Variants in PLEKHG1 observed in about 807,000 individuals in gnomAD.
The protein encoded by PLEKHG1 is pleckstrin homology and RhoGEF domain containing G1, also known as pleckstrin homology domain-containing family G member 1.
Under a neutral mutation model 100.8 loss-of-function variants are expected in PLEKHG1, and 44 were observed. The observed-to-expected ratio is 0.44, with a 90% confidence interval of 0.34 to 0.56. The LOEUF (loss-of-function observed/expected upper bound fraction) is 0.56, where lower values mean the gene tolerates loss of function less well. PLEKHG1 is among the 20% of genes least tolerant of loss of function. The pLI is 0.01. For synonymous variants in PLEKHG1, 640 were observed against 662.5 expected, an observed-to-expected ratio of 0.97 and a Z score of 0.52; for missense variants, 1,545 against 1,720.9, an observed-to-expected ratio of 0.90 and a Z score of 1.81.
At chr6:150,688,546 T>G (rs4869929) in intron 3 of PLEKHG1, among the ~76,000 whole-genome samples, 44,891 of 151,952 alleles carry the variant, frequency 0.3, 8,220 homozygotes, top group African/African-American at 0.52. Context: ...AGTCTTGAAC[T>G]CCTGACCTCA....
intron 2 of PLEKHG1, among the ~76,000 whole-genome samples, chr6:150,647,438 T>A (rs566915176): frequency 1.3e-5 from 2 of 152,276 alleles, no homozygotes; most frequent in East Asian, 3.9e-4. Context: ...GATAGGTTGG[T>A]CTCCTTTTTA....
intron 1 of PLEKHG1, among the ~76,000 whole-genome samples, chr6:150,732,331 C>A (rs1431814445): frequency 5.9e-5 from 9 of 152,152 alleles, no homozygotes; most frequent in African/African-American, 1.9e-4. Flanking sequence ...ATCAAGCATG[C>A]TCTCTAATAG....
At position 150,806,996 on chromosome 6, in the gene PLEKHG1, C is replaced by T. The variant is rs1033824609; in HGVS notation, c.913-2109C>T. ...TTGTCCAGTGTATCCACACTGCCTA[C>T]GGCCACTCACCTGTTACTCAGTAGC... On this transcript the variant is annotated intron_variant, in intron 7 of 15. Transcript: ENST00000358517. Among the ~76,000 whole-genome samples the T allele has an allele frequency of 5.9e-5, 9 of 152,242 alleles. No homozygotes were observed. The East Asian group carries it at 1.4e-3, about 23-fold the overall frequency.
intron 10 of PLEKHG1, among the ~76,000 whole-genome samples, chr6:150,814,882 G>A (rs977794642): frequency 6.6e-6 from 1 of 151,974 alleles, no homozygotes; most frequent in Non-Finnish European, 1.5e-5. Flanking sequence ...ACCACACCTG[G>A]CTAATTTTTG....
chr6:150,653,774 T>G (rs1055053596), intron 3 of PLEKHG1, among the ~76,000 whole-genome samples: 1 of 152,160 alleles, frequency 6.6e-6, no homozygotes, highest in African/African-American at 2.4e-5. Context: ...ATATTTTCTT[T>G]TTTAGAAATG....
At chr6:150,702,254 G>A (rs543210621) in intron 3 of PLEKHG1, among the ~76,000 whole-genome samples, 3 of 152,072 alleles carry the variant, frequency 2.0e-5, no homozygotes, top group Non-Finnish European at 4.4e-5. Flanking sequence ...GGCGGATCAC[G>A]AGGTCAGGAG....
intron 5 of PLEKHG1, among the ~76,000 whole-genome samples, chr6:150,799,408 A>G (rs1786556873): frequency 6.6e-6 from 1 of 152,122 alleles, no homozygotes; most frequent in African/African-American, 2.4e-5. Flanking sequence ...AAGAGCCACA[A>G]GCTCCCACAC....
At chr6:150,698,890 T>G (rs1012677119) in intron 3 of PLEKHG1, among the ~76,000 whole-genome samples, 4 of 152,252 alleles carry the variant, frequency 2.6e-5, no homozygotes, top group African/African-American at 9.6e-5. Context: ...GAAAAACAAT[T>G]AAGTTTGTTT....
intron 3 of PLEKHG1, among the ~76,000 whole-genome samples, chr6:150,697,796 C>T (rs1780605963): frequency 6.6e-6 from 1 of 152,186 alleles, no homozygotes. Context: ...GAGCAGCTTT[C>T]TTACAGTGAG....
intron 4 of PLEKHG1, among the ~76,000 whole-genome samples, chr6:150,787,585 T>C (rs1785702474): frequency 6.6e-6 from 1 of 152,208 alleles, no homozygotes; most frequent in Admixed American, 6.5e-5. Flanking sequence ...TGATGGCGCT[T>C]TGAGACCCAC....
chr6:150,809,126 A>G lies in PLEKHG1; in HGVS notation c.934A>G (p.Asn312Asp), dbSNP rs1441816545. The change falls in exon 8 of 16, where the codon AAC (asparagine) becomes GAC (aspartate). Residue 312 changes from asparagine to aspartate, a missense_variant. By Grantham distance (23) the Asn-to-Asp change is conservative. Transcript: ENST00000358517. ...TCAGGAGATACAGAGTTTGCTCACT[A>G]ACTGGAAGGGGCCAGACCTGACCAG... is the stretch of plus-strand genomic sequence containing the variant. 3.7e-6 allele frequency: 6 copies of G among 1,613,888 alleles called. No homozygotes were observed. In the African/African-American group the frequency reaches 8.0e-5, roughly 22 times the overall value.
At chr6:150,732,769 T>C (rs1033060767) in intron 1 of PLEKHG1, among the ~76,000 whole-genome samples, 7 of 152,208 alleles carry the variant, frequency 4.6e-5, no homozygotes, top group African/African-American at 1.7e-4. Context: ...TGTTTTTTAG[T>C]AGCGACACGG....
chr6:150,682,407 G>A lies in PLEKHG1; in HGVS notation c.-99+31621G>A, dbSNP rs574444412. 3.3e-5 allele frequency among the ~76,000 whole-genome samples: 5 copies of A among 152,076 alleles called. No individual in the cohort carries two copies. The South Asian group carries it at 6.2e-4, about 19-fold the overall frequency. ...GCATCTGTCAGAAGCCACCATCTCCGGGGGTCATTTTGTTCCTCAAGTGCA... is the reference window on the plus strand; with the variant it reads ...GCATCTGTCAGAAGCCACCATCTCCAGGGGTCATTTTGTTCCTCAAGTGCA... On this transcript the variant is annotated intron_variant, in intron 3 of 3. Coordinates refer to the PLEKHG1 transcript ENST00000367326.
intron 3 of PLEKHG1, among the ~76,000 whole-genome samples, chr6:150,782,475 C>T (rs993903266): frequency 5.3e-5 from 8 of 152,084 alleles, no homozygotes; most frequent in Non-Finnish European, 1.0e-4. Flanking sequence ...AACCCATTAC[C>T]ACTTGCTGAG....
chr6:150,768,701 CT>C lies in PLEKHG1; in HGVS notation c.480del (p.Phe160LeufsTer28). ...CCTGGGGACCGAAGAAAGATCAGCC[CT>C]TTTTGGAAACATACAGGATATCTAC... On this transcript the variant is annotated frameshift_variant, in exon 3 of 16. Transcript: ENST00000358517. LOFTEE classifies it high-confidence loss of function. 1.2e-6 allele frequency: 2 copies of C among 1,611,258 alleles called. No homozygotes were observed. The highest frequency in any genetic ancestry group is 1.7e-6 in the Non-Finnish European group (2 of 1,177,428).
At position 150,600,192 on chromosome 6, in the gene PLEKHG1, G is replaced by A. The variant is rs1776277629; in HGVS notation, c.-204+175G>A. On this transcript the variant is annotated intron_variant, in intron 1 of 3. Coordinates refer to the PLEKHG1 transcript ENST00000367326. This position sits in a 1 kb window ranked among gnomAD's most constrained non-coding sequence, Gnocchi z 6.2. ...CAGTGGGGACGGAGGGCCTTGGGGG[G>A]CGCCGAGCGGTGGGGACAGAGGGCG... 1.3e-5 allele frequency among the ~76,000 whole-genome samples: 2 copies of A among 151,332 alleles called. No homozygotes were observed. Among genetic ancestry groups the A allele is most frequent in the Admixed American group, 6.6e-5 (1 of 15,234 alleles).
intron 3 of PLEKHG1, among the ~76,000 whole-genome samples, chr6:150,702,611 A>G (rs1325436284): frequency 1.5e-5 from 2 of 131,120 alleles, no homozygotes; most frequent in African/African-American, 6.9e-5. Flanking sequence ...TATGTCATCC[A>G]GTACCCAAAT....
intron 14 of PLEKHG1, among the ~76,000 whole-genome samples, chr6:150,825,258 G>A (rs1011684022): frequency 4.6e-5 from 7 of 152,130 alleles, no homozygotes; most frequent in Admixed American, 1.3e-4. Context: ...TAAATTCAAG[G>A]AGAGCAGATT....
At chr6:150,742,949 G>A (rs1371555312) in intron 2 of PLEKHG1, among the ~76,000 whole-genome samples, 4 of 152,082 alleles carry the variant, frequency 2.6e-5, no homozygotes, top group East Asian at 1.9e-4. Context: ...TCAACTAGAC[G>A]GGCAAGGAGA....
Sources: allele counts gnomAD v4.1 joint callset (sites outside exome capture counted in the v4.1 genomes callset), GRCh38; gene constraint gnomAD v4.1.1; non-coding constraint Gnocchi (gnomAD v3.1); transcripts MANE v1.5; gene names NCBI Gene and HGNC (gene_info 2026-07-23, HGNC 2026-07-21).